The following MMP16 variants were observed in gnomAD, a reference collection of about 807,000 sequenced individuals.
The protein encoded by MMP16 is matrix metallopeptidase 16.
A neutral mutation model predicts 67.8 loss-of-function variants in MMP16; 12 were observed. That is an observed-to-expected ratio of 0.18 (90% CI 0.11 to 0.29). The LOEUF (loss-of-function observed/expected upper bound fraction) is 0.29, where lower values mean the gene tolerates loss of function less well. Among genes scored for constraint, MMP16 ranks in the 10% least tolerant of loss-of-function variants. The pLI is 1.00. For missense variants in MMP16, 475 were observed against 765.7 expected, an observed-to-expected ratio of 0.62 and a Z score of 4.48; for synonymous variants, 249 against 255.9, an observed-to-expected ratio of 0.97 and a Z score of 0.26.
intron 1 of MMP16, among the ~76,000 whole-genome samples, chr8:88,244,743 C>T (rs1318432951): frequency 6.6e-6 from 1 of 152,118 alleles, no homozygotes; most frequent in Non-Finnish European, 1.5e-5. Flanking sequence ...TTTTCAACTA[C>T]CTGGCTATAA....
At chr8:88,074,858 T>A in intron 6 of MMP16, 115 bp from the exon 7 acceptor site, 2 of 1,316,416 alleles carry the variant, frequency 1.5e-6, no homozygotes, top group South Asian at 1.5e-5. Flanking sequence ...TTGTCTTACA[T>A]TAAATCAGTC....
At chr8:88,079,261 T>C (rs947291938) in intron 6 of MMP16, among the ~76,000 whole-genome samples, 3 of 152,178 alleles carry the variant, frequency 2.0e-5, no homozygotes, top group African/African-American at 7.2e-5. Context: ...TGGTCAACCC[T>C]AGTCCAAAAA....
At chr8:88,156,139 G>A (rs1164298900) in intron 4 of MMP16, among the ~76,000 whole-genome samples, 1 of 152,062 alleles carries the variant, frequency 6.6e-6, no homozygotes, top group Non-Finnish European at 1.5e-5. Flanking sequence ...CTTTGATTAA[G>A]GCTGATGATA....
At chr8:88,144,097 T>G (rs2118508467) in intron 4 of MMP16, among the ~76,000 whole-genome samples, 1 of 152,034 alleles carries the variant, frequency 6.6e-6, no homozygotes, top group Non-Finnish European at 1.5e-5. Flanking sequence ...GGTAAAAAAC[T>G]TTCACTTTAA....
chr8:88,183,014 G>T (rs1046162638), intron 3 of MMP16, among the ~76,000 whole-genome samples: 1 of 151,966 alleles, frequency 6.6e-6, no homozygotes, highest in African/African-American at 2.4e-5. Flanking sequence ...CAAAACGATG[G>T]AGACATTAAA....
chr8:88,210,187 G>A (rs1368292727), intron 1 of MMP16, among the ~76,000 whole-genome samples: 1 of 152,090 alleles, frequency 6.6e-6, no homozygotes, highest in African/African-American at 2.4e-5. Flanking sequence ...CTTTTTTATA[G>A]CAGCCTGAAT....
At chr8:88,287,130 G>A (rs1227096793) in intron 1 of MMP16, among the ~76,000 whole-genome samples, 1 of 152,180 alleles carries the variant, frequency 6.6e-6, no homozygotes, top group Non-Finnish European at 1.5e-5. Flanking sequence ...GAAAGCTTAA[G>A]TTGCTCGGAG....
intron 3 of MMP16, among the ~76,000 whole-genome samples, chr8:88,173,797 A>G (rs1356554274): frequency 1.3e-5 from 2 of 152,226 alleles, no homozygotes; most frequent in Non-Finnish European, 2.9e-5. Context: ...GAAAGTGAAT[A>G]TGGAGTCCCT....
chr8:88,118,840 G>C lies in MMP16; in HGVS notation c.731C>G (p.Ala244Gly). 1 of 1,612,936 alleles carries C rather than the reference G, an allele frequency of 6.2e-7. No individual in the cohort carries two copies. The highest frequency in any genetic ancestry group is 1.1e-5 in the South Asian group (1 of 91,034). ...CAGAGCATGTCCCAGTTCATGGACT[G>C]CTACAAGAAATAAGTCATTTCCTGT... is the stretch of plus-strand genomic sequence containing the variant. ...NHDGNDLFLV[A>G]VHELGHALGL... The change falls in exon 5 of 10, where the codon GCA becomes GGA. Residue 244 changes from alanine (A) to glycine (G), a missense_variant. Around this residue, in one of 5 missense-constraint regions of MMP16, gnomAD observed 195 missense variants for 300.9 expected, o/e 0.65. Transcript: ENST00000286614.
intron 9 of MMP16, among the ~76,000 whole-genome samples, chr8:88,042,199 G>A (rs1402632896): frequency 1.3e-5 from 2 of 152,096 alleles, no homozygotes; most frequent in Non-Finnish European, 2.9e-5. Context: ...CTTATAAACT[G>A]AAACACTGTT....
chr8:88,207,073 A>C (rs1198741681), intron 1 of MMP16, among the ~76,000 whole-genome samples: 1 of 152,192 alleles, frequency 6.6e-6, no homozygotes, highest in East Asian at 1.9e-4. Flanking sequence ...AAAAACTCTA[A>C]AATTTAGATA....
At chr8:88,295,008 T>A (rs1003840385) in intron 1 of MMP16, among the ~76,000 whole-genome samples, 1 of 152,202 alleles carries the variant, frequency 6.6e-6, no homozygotes, top group Non-Finnish European at 1.5e-5. Flanking sequence ...CCACCGGGCC[T>A]GGCATGGACC....
intron 1 of MMP16, among the ~76,000 whole-genome samples, chr8:88,313,669 T>C (rs1245604936): frequency 2.0e-5 from 3 of 152,208 alleles, no homozygotes; most frequent in Non-Finnish European, 4.4e-5. Context: ...AAATTACATG[T>C]ATACATGTTG....
chr8:88,279,358 T>A (rs947030734), intron 1 of MMP16, among the ~76,000 whole-genome samples: 1 of 152,254 alleles, frequency 6.6e-6, no homozygotes, highest in Non-Finnish European at 1.5e-5. Context: ...TGTTCCTTTT[T>A]CCTTTCTTAA....
At chr8:88,193,663 A>G (rs1174263795) in intron 2 of MMP16, among the ~76,000 whole-genome samples, 4 of 152,044 alleles carry the variant, frequency 2.6e-5, no homozygotes, top group African/African-American at 4.8e-5. Context: ...TTTGATCACT[A>G]TGTACTGTAT....
Position 88,275,403 on chromosome 8 carries a change from T to C in MMP16, c.132+51672A>G, listed in dbSNP as rs112495850. 3.1e-3 allele frequency among the ~76,000 whole-genome samples: 470 copies of C among 152,116 alleles called. 3 individuals are homozygous for C. The highest frequency in any genetic ancestry group is 0.01 in the African/African-American group (435 of 41,564). On this transcript the variant is annotated intron_variant, in intron 1 of 9. Coordinates refer to ENST00000286614, the MANE Select transcript of MMP16 (RefSeq NM_005941.5). ...AGATTAAGATAAATTACCTCTGTTCTTGAAAAGGGTTTGAATAATGACTTT... is the reference window on the plus strand; with the variant it reads ...AGATTAAGATAAATTACCTCTGTTCCTGAAAAGGGTTTGAATAATGACTTT...
At chr8:88,279,456 G>C (rs1164066114) in intron 1 of MMP16, among the ~76,000 whole-genome samples, 2 of 152,046 alleles carry the variant, frequency 1.3e-5, no homozygotes, top group Non-Finnish European at 2.9e-5. Flanking sequence ...GAAGGGGTGA[G>C]GTAACATCCT....
intron 1 of MMP16, among the ~76,000 whole-genome samples, chr8:88,255,778 T>C (rs982966190): frequency 6.6e-6 from 1 of 152,200 alleles, no homozygotes; most frequent in Non-Finnish European, 1.5e-5. Context: ...CATATCAGAC[T>C]TCCACACTGA....
intron 1 of MMP16, among the ~76,000 whole-genome samples, chr8:88,285,766 T>C (rs1810821177): frequency 6.6e-6 from 1 of 152,230 alleles, no homozygotes; most frequent in African/African-American, 2.4e-5. Context: ...TTTTAAATTG[T>C]ACAATTCAGT....
Sources: allele counts gnomAD v4.1 joint callset (sites outside exome capture counted in the v4.1 genomes callset), GRCh38; gene constraint gnomAD v4.1.1; regional missense constraint gnomAD v4.1.1; transcripts MANE v1.5; gene names NCBI Gene and HGNC (gene_info 2026-07-23, HGNC 2026-07-21).